The following DARS2 variants were observed in gnomAD, a reference collection of about 807,000 sequenced individuals.
DARS2 encodes aspartate--tRNA ligase, mitochondrial.
Under a neutral mutation model 83.0 loss-of-function variants are expected in DARS2, and 63 were observed. The ratio of observed to expected loss-of-function variants is 0.76; its 90% CI spans 0.62 to 0.94. The LOEUF is 0.94. Ranked by LOEUF, DARS2 falls within the 40% of genes least tolerant of loss-of-function variation. The probability of loss-of-function intolerance (pLI) is 0.00; values close to 1 mark genes in which losing one functional copy is unlikely to be tolerated. For missense variants in DARS2, 675 were observed against 774.4 expected, an observed-to-expected ratio of 0.87 and a Z score of 1.52; for synonymous variants, 250 against 269.3, an observed-to-expected ratio of 0.93 and a Z score of 0.70.
At position 173,840,953 on chromosome 1, in the gene DARS2, A is replaced by T; in HGVS notation, c.1108A>T (p.Ile370Leu). ...TAAGCCCCATGGAACTGTGAAAGCCATATGTATCCCTGAAGGAGCAGTAAG... is the reference window on the plus strand; with the variant it reads ...TAAGCCCCATGGAACTGTGAAAGCCTTATGTATCCCTGAAGGAGCAGTAAG... ...LSKPHGTVKA[I>L]CIPEGAKYLK... is the part of the protein sequence containing the mutation. The change falls in exon 11 of 17, where the codon ATA (isoleucine) becomes TTA (leucine). Residue 370 changes from isoleucine (I) to leucine (L), a missense_variant. Ile to Leu is a conservative substitution (Grantham distance 5, BLOSUM62 2). Coordinates refer to ENST00000649689, the MANE Select transcript of DARS2 (RefSeq NM_018122.5). The T allele has an allele frequency of 6.2e-7, 1 of 1,606,016 alleles. No homozygotes were observed. The highest frequency in any genetic ancestry group is 1.7e-4 in the Middle Eastern group (1 of 6,056).
At chr1:173,845,754 G>A (rs1013484729) in intron 12 of DARS2, among the ~76,000 whole-genome samples, 11 of 152,142 alleles carry the variant, frequency 7.2e-5, no homozygotes, top group Non-Finnish European at 1.3e-4. Flanking sequence ...GGGCACGGTG[G>A]CTCACACCTG....
Position 173,839,515 on chromosome 1 carries a change from C to G in DARS2, c.989C>G (p.Thr330Ser). ...GCTGAGGTGCTGGCCACCTATGGAA[C>G]TGATAAACCTGACACTCGCTTTGGA... The part of the protein sequence containing the change: ...TFAEVLATYG[T>S]DKPDTRFGMK... The change falls in exon 10 of 17, where the codon ACT becomes AGT. Residue 330 changes from threonine to serine, a missense_variant. By Grantham distance (58) the Thr-to-Ser change is moderately conservative. Transcript: ENST00000649689. 1 of 1,614,156 alleles carries G rather than the reference C, an allele frequency of 6.2e-7. No individual in the cohort carries two copies. Among genetic ancestry groups the G allele is most frequent in the Non-Finnish European group, 8.5e-7 (1 of 1,180,020 alleles).
chr1:173,825,396 C>A lies in DARS2; in HGVS notation c.127+40C>A, dbSNP rs556817625. On this transcript the variant is annotated intron_variant, in intron 1 of 16. Transcript: ENST00000649689. ...GAGATCTATCCTATGAACAGTACTT[C>A]AGCCTGTTATCTACGGCCGGAGAGC... The A allele has an allele frequency of 1.2e-5, 19 of 1,601,090 alleles. No homozygotes were observed. The South Asian group carries it at 1.8e-4, about 15-fold the overall frequency.
chr1:173,851,455 G>A (rs16846433), intron 13 of DARS2, among the ~76,000 whole-genome samples: 12,529 of 151,968 alleles, frequency 0.082, 739 homozygotes, highest in East Asian at 0.31. Context: ...TCATGCATTC[G>A]TAAATTGTGG....
intron 1 of DARS2, 59 bp from the exon 2 acceptor site, chr1:173,826,628 G>A: frequency 7.9e-7 from 1 of 1,269,182 alleles, no homozygotes; most frequent in Non-Finnish European, 1.1e-6. Flanking sequence ...TAAGCAACCT[G>A]CAAGTGATGT....
chr1:173,854,752 AAGAG>A (rs1005992704), intron 15 of DARS2, among the ~76,000 whole-genome samples: 5 of 152,256 alleles, frequency 3.3e-5, no homozygotes, highest in African/African-American at 4.8e-5. Context: ...ATGTTAGAGA[AAGAG>A]AGAGAAGTTT....
chr1:173,844,125 A>C (rs76667545), intron 11 of DARS2, among the ~76,000 whole-genome samples: 2,048 of 152,334 alleles, frequency 0.013, 47 homozygotes, highest in African/African-American at 0.045. Flanking sequence ...ACACCCCAAA[A>C]CATCAAACCA....
intron 11 of DARS2, among the ~76,000 whole-genome samples, chr1:173,843,927 C>T (rs2102652410): frequency 6.6e-6 from 1 of 152,322 alleles, no homozygotes; most frequent in Non-Finnish European, 1.5e-5. Flanking sequence ...ACAGCATGTG[C>T]TATCAAAGTG....
At chr1:173,830,634 G>T in intron 3 of DARS2, 26 bp from the exon 4 acceptor site, 1 of 1,572,818 alleles carries the variant, frequency 6.4e-7, no homozygotes, top group South Asian at 1.1e-5. Context: ...TTGTTTCTCA[G>T]AACTCTTTTC....
intron 15 of DARS2, 79 bp from the exon 16 acceptor site, chr1:173,856,587 C>A: frequency 7.7e-7 from 1 of 1,294,942 alleles, no homozygotes; most frequent in Non-Finnish European, 1.1e-6. Context: ...TTTGTTTCCC[C>A]TTTATCATCT....
chr1:173,841,049 A>C, intron 11 of DARS2, 76 bp downstream of exon 11: 1 of 925,712 alleles, frequency 1.1e-6, no homozygotes, highest in Non-Finnish European at 1.8e-6. Context: ...GTCATATTTA[A>C]ACTTCAGAAA....
At chr1:173,855,199 G>A (rs148205718) in intron 15 of DARS2, among the ~76,000 whole-genome samples, 1 of 151,988 alleles carries the variant, frequency 6.6e-6, no homozygotes, top group African/African-American at 2.4e-5. Flanking sequence ...CGCCGCCTGG[G>A]TTCAAGCAAT....
chr1:173,845,210 T>G lies in DARS2; in HGVS notation c.1129-19T>G. The G allele has an allele frequency of 6.6e-7, 1 of 1,513,726 alleles. No homozygotes were observed. The highest frequency in any genetic ancestry group is 9.2e-7 in the Non-Finnish European group (1 of 1,089,004). The allele number at this position is 1,513,726 out of a possible 1,614,324, so 93.8% of individuals were successfully genotyped here. ...TAAGTGTCATACTGACAAGTTTACTTTGATTTTTCTTTCATCAGAAATACT... is the reference window on the plus strand; with the variant it reads ...TAAGTGTCATACTGACAAGTTTACTGTGATTTTTCTTTCATCAGAAATACT... On this transcript the variant is annotated intron_variant, in intron 11 of 16. Transcript: ENST00000649689.
chr1:173,837,024 C>G lies in DARS2; in HGVS notation c.748C>G (p.Leu250Val), dbSNP rs1024219171. ...GAGTCCTCAACAGTTTAAGCAACTT[C>G]TGATGGTTGGCGGTTTAGACAGGTG... The part of the protein sequence containing the change: ...PQSPQQFKQL[L>V]MVGGLDRYFQ... The change falls in exon 8 of 17, where the codon CTG becomes GTG. Residue 250 changes from leucine to valine, a missense_variant. By Grantham distance (32) the Leu-to-Val change is conservative (BLOSUM62 1). Transcript: ENST00000649689. 5.6e-6 allele frequency: 9 copies of G among 1,613,726 alleles called. No individual in the cohort carries two copies. The highest frequency in any genetic ancestry group is 7.6e-6 in the Non-Finnish European group (9 of 1,179,914).
chr1:173,828,453 G>T, intron 3 of DARS2, 54 bp downstream of exon 3: 2 of 1,481,474 alleles, frequency 1.4e-6, no homozygotes, highest in Non-Finnish European at 1.9e-6. Flanking sequence ...CTATTGCTGG[G>T]GTAAGCTAAG....
intron 12 of DARS2, among the ~76,000 whole-genome samples, chr1:173,849,835 C>A (rs919896516): frequency 1.3e-5 from 2 of 151,550 alleles, no homozygotes; most frequent in Admixed American, 6.6e-5. Context: ...CATCCCCTCC[C>A]CCTTTTTTTC....
chr1:173,840,738 C>G (rs960694062), intron 10 of DARS2, 128 bp from the exon 11 acceptor site: 1 of 675,380 alleles, frequency 1.5e-6, no homozygotes, highest in Non-Finnish European at 2.6e-6. Flanking sequence ...GGTAAACACT[C>G]TTTGAATGTA....
In DARS2 at chr1:173,828,313, T is replaced by TG; in HGVS notation, c.228-20_228-19insG. The TG allele has an allele frequency of 2.4e-6, 3 of 1,231,098 alleles. No individual in the cohort carries two copies. The highest frequency in any genetic ancestry group is 3.5e-6 in the Non-Finnish European group (3 of 867,448). The allele number at this position is 1,231,098 out of a possible 1,614,324, so 76.3% of individuals were successfully genotyped here. A position where few individuals can be genotyped will look rare whatever the true frequency, so the allele number is the denominator to read the frequency against. On this transcript the variant is annotated intron_variant, in intron 2 of 16. Transcript: ENST00000649689. The stretch of plus-strand genomic sequence containing the variant: ...AGATTTTATCTTAAAATGTTTCTTT[T>TG]CCCCCCCCCCATTAATCAGGCAAAA...
intron 12 of DARS2, among the ~76,000 whole-genome samples, chr1:173,847,542 G>C (rs994281775): frequency 6.6e-6 from 1 of 151,774 alleles, no homozygotes; most frequent in East Asian, 1.9e-4. Context: ...GTTTTAACTT[G>C]ATTTGGCTTC....
Sources: gnomAD v4.1 joint callset for allele counts (sites outside exome capture counted in the v4.1 genomes callset) on GRCh38, gnomAD v4.1.1 for gene constraint, MANE v1.5 for transcripts, NCBI Gene and HGNC (gene_info 2026-07-23, HGNC 2026-07-21) for gene names.